EFHB: variants seen among roughly 807,000 people sequenced by gnomAD.
EFHB encodes the protein EF-hand domain-containing family member B.
In EFHB, 91 loss-of-function variants were observed where a neutral mutation model predicts 87.2. That is an observed-to-expected ratio of 1.04 (90% CI 0.88 to 1.24). The LOEUF is 1.24. EFHB is among the 50% of genes most tolerant of loss of function. EFHB has a pLI of 0.00. For missense variants in EFHB, 1,084 were observed against 998.8 expected (o/e 1.09, Z -1.15); for synonymous variants, 325 against 333.6 (o/e 0.97, Z 0.28).
At chr3:19,880,790 A>G (rs1194404559) in intron 12 of EFHB, among the ~76,000 whole-genome samples, 1 of 152,138 alleles carries the variant, frequency 6.6e-6, no homozygotes, top group Non-Finnish European at 1.5e-5. Flanking sequence ...AAATATAGGA[A>G]AGGAAAGTAA....
At chr3:19,882,816 G>A in intron 11 of EFHB, 85 bp from the exon 12 acceptor site, 1 of 1,225,478 alleles carries the variant, frequency 8.2e-7, no homozygotes, top group East Asian at 2.6e-5. Context: ...TGCATACTGA[G>A]CACTTAAAAT....
At chr3:19,940,836 A>G (rs761515003) in intron 1 of EFHB, 1 of 387,900 alleles carries the variant, frequency 2.6e-6, no homozygotes, top group East Asian at 6.3e-5. Context: ...ATCCTTGGTC[A>G]TGACATGCTC....
At chr3:19,939,413 C>G (rs571621831) in intron 1 of EFHB, among the ~76,000 whole-genome samples, 968 of 96,676 alleles carry the variant, frequency 0.01, 22 homozygotes, top group Non-Finnish European at 0.011. Context: ...GATGGAGTCT[C>G]ACTCTGTCGC....
At position 19,928,648 on chromosome 3, in the gene EFHB, T is replaced by C. The variant is rs140202008; in HGVS notation, c.789+4582A>G. ...TTAGTAGAGACGGAGTTTTGCCATATTGGCCAGGCTGGTCTCAAACTCCTG... is the reference window on the plus strand; with the variant it reads ...TTAGTAGAGACGGAGTTTTGCCATACTGGCCAGGCTGGTCTCAAACTCCTG... On this transcript the variant is annotated intron_variant, in intron 1 of 12. Coordinates refer to ENST00000295824, the MANE Select transcript of EFHB (RefSeq NM_144715.4). Among the ~76,000 whole-genome samples, 114 of 152,332 alleles carry C rather than the reference T, an allele frequency of 7.5e-4. 1 individual carries two copies. The highest frequency in any genetic ancestry group is 3.4e-3 in the Middle Eastern group (1 of 294).
At chr3:19,883,921 G>A (rs894461311) in intron 11 of EFHB, among the ~76,000 whole-genome samples, 1 of 152,192 alleles carries the variant, frequency 6.6e-6, no homozygotes, top group African/African-American at 2.4e-5. Context: ...TGCACGTCAA[G>A]CCTCCAGAAC....
intron 12 of EFHB, among the ~76,000 whole-genome samples, chr3:19,881,894 A>G (rs1010050695): frequency 3.3e-5 from 5 of 152,098 alleles, no homozygotes; most frequent in African/African-American, 1.2e-4. Flanking sequence ...GAGCACTGCT[A>G]TCAATCTCTG....
intron 5 of EFHB, among the ~76,000 whole-genome samples, chr3:19,905,952 A>G (rs1694829250): frequency 6.6e-6 from 1 of 152,178 alleles, no homozygotes; most frequent in Non-Finnish European, 1.5e-5. Context: ...GATGCTACAC[A>G]CAACAATACG....
At chr3:19,894,606 G>C (rs1001107219) in intron 9 of EFHB, 23 of 152,170 alleles carry the variant, frequency 1.5e-4, no homozygotes, top group Non-Finnish European at 5.9e-5. Context: ...ACCTACAGCT[G>C]TACTAGACCC....
At chr3:19,918,475 C>A in intron 3 of EFHB, 63 bp from the exon 4 acceptor site, 1 of 1,428,642 alleles carries the variant, frequency 7.0e-7, no homozygotes, top group Non-Finnish European at 9.4e-7. Flanking sequence ...AAAATAGAAA[C>A]CCTAATCAAT....
At chr3:19,929,046 T>C (rs1295575821) in intron 1 of EFHB, among the ~76,000 whole-genome samples, 2 of 152,148 alleles carry the variant, frequency 1.3e-5, no homozygotes, top group African/African-American at 4.8e-5. Context: ...TAAATTAAAA[T>C]AATGCCTAAC....
intron 9 of EFHB, chr3:19,896,408 A>G (rs1301707811): frequency 1.1e-5 from 5 of 456,480 alleles, no homozygotes; most frequent in Non-Finnish European, 2.0e-5. Context: ...GGGTCAGCAA[A>G]TGTCTTCTGT....
intron 4 of EFHB, among the ~76,000 whole-genome samples, chr3:19,916,861 G>A (rs1379122386): frequency 6.6e-6 from 1 of 152,150 alleles, no homozygotes; most frequent in Non-Finnish European, 1.5e-5. Flanking sequence ...AAGAATACCA[G>A]AAGATGATTC....
chr3:19,920,506 C>G lies in EFHB; in HGVS notation c.851G>C (p.Arg284Thr), dbSNP rs759664055. 7 of 1,601,326 alleles carry G rather than the reference C, an allele frequency of 4.4e-6. No individual in the cohort carries two copies. The Admixed American group carries it at 8.8e-5, about 20-fold the overall frequency. The change falls in exon 2 of 13, where the codon AGG (arginine) becomes ACG (threonine). Residue 284 changes from arginine (R) to threonine (T), a missense_variant and splice_region_variant. Physicochemically the swap from Arg to Thr is moderately conservative, Grantham distance 71. Coordinates refer to ENST00000295824, the MANE Select transcript of EFHB (RefSeq NM_144715.4). Reference protein sequence around the residue: ...VATCLTEKLPRLITPPEAKKY... With the variant: ...VATCLTEKLPTLITPPEAKKY... Reference sequence around the variant, plus strand: ...TAAAGGTATATTGAAAGTGCTCACCCTGGGAAGTTTTTCAGTCAAGCAGGT... The same window carrying G: ...TAAAGGTATATTGAAAGTGCTCACCGTGGGAAGTTTTTCAGTCAAGCAGGT...
intron 8 of EFHB, among the ~76,000 whole-genome samples, chr3:19,897,894 T>A (rs1212667227): frequency 4.6e-5 from 7 of 152,230 alleles, no homozygotes; most frequent in Non-Finnish European, 8.8e-5. Context: ...CAATAAATAT[T>A]TATTCTACCT....
chr3:19,897,156 C>A (rs1349961730), intron 8 of EFHB, among the ~76,000 whole-genome samples: 1 of 152,242 alleles, frequency 6.6e-6, no homozygotes, highest in East Asian at 1.9e-4. Context: ...TGCTTGACTA[C>A]CTCTTGGCCA....
chr3:19,907,718 A>C (rs560046592), intron 5 of EFHB, among the ~76,000 whole-genome samples: 1 of 152,296 alleles, frequency 6.6e-6, no homozygotes, highest in African/African-American at 2.4e-5. Context: ...TTAGTTTTCT[A>C]TTTCGAGATA....
At chr3:19,884,223 A>G in intron 11 of EFHB, 180 bp downstream of exon 11, 1 of 592,432 alleles carries the variant, frequency 1.7e-6, no homozygotes, top group South Asian at 2.3e-5. Flanking sequence ...ATCATTGGCA[A>G]TTCCGTTCAA....
At chr3:19,888,267 C>T (rs938629470) in intron 10 of EFHB, among the ~76,000 whole-genome samples, 177 bp downstream of exon 10, 1 of 151,952 alleles carries the variant, frequency 6.6e-6, no homozygotes, top group Non-Finnish European at 1.5e-5. Context: ...TGGCTCACAC[C>T]AATAATCCCA....
chr3:19,885,432 G>A (rs1694066509), intron 10 of EFHB, among the ~76,000 whole-genome samples: 2 of 152,176 alleles, frequency 1.3e-5, no homozygotes, highest in Admixed American at 1.3e-4. Flanking sequence ...CTCCTGACAA[G>A]TCAGTGTACA....
Sources: allele counts gnomAD v4.1 joint callset (sites outside exome capture counted in the v4.1 genomes callset), GRCh38; gene constraint gnomAD v4.1.1; transcripts MANE v1.5; gene names NCBI Gene and HGNC (gene_info 2026-07-23, HGNC 2026-07-21).